The following CHL1 variants were observed in gnomAD, a reference collection of about 807,000 sequenced individuals.
CHL1 encodes cell adhesion molecule L1 like.
Under a neutral mutation model 141.9 loss-of-function variants are expected in CHL1, and 96 were observed. That is an observed-to-expected ratio of 0.68 (90% CI 0.57 to 0.80). CHL1 has a LOEUF of 0.80. CHL1 is among the 30% of genes least tolerant of loss of function. CHL1 has a pLI of 0.00. For missense variants in CHL1, 1,820 were observed against 1,457.2 expected (o/e 1.25, Z -4.05); for synonymous variants, 613 against 502.2 (o/e 1.22, Z -2.95).
At chr3:386,994 A>G (rs1707786356) in intron 19 of CHL1, among the ~76,000 whole-genome samples, 1 of 152,226 alleles carries the variant, frequency 6.6e-6, no homozygotes, top group Non-Finnish European at 1.5e-5. Context: ...AACATGTTGT[A>G]CATAATAAGT....
At chr3:250,849 T>C (rs955623286) in intron 2 of CHL1, among the ~76,000 whole-genome samples, 1 of 152,126 alleles carries the variant, frequency 6.6e-6, no homozygotes, top group Non-Finnish European at 1.5e-5. Context: ...GTCTTTCTAG[T>C]TGTCTAATTA....
At chr3:301,244 C>G (rs1046786741) in intron 2 of CHL1, among the ~76,000 whole-genome samples, 17 of 152,100 alleles carry the variant, frequency 1.1e-4, no homozygotes, top group African/African-American at 4.1e-4. Context: ...TTTCTTCATG[C>G]ACAAATATGC....
intron 1 of CHL1, among the ~76,000 whole-genome samples, chr3:213,943 C>G (rs1463345551): frequency 6.6e-6 from 1 of 152,124 alleles, no homozygotes; most frequent in East Asian, 1.9e-4. Flanking sequence ...GAAAGGCTTC[C>G]TCACATATTA....
chr3:327,722 G>A (rs1165568021), intron 4 of CHL1, among the ~76,000 whole-genome samples: 1 of 151,774 alleles, frequency 6.6e-6, no homozygotes, highest in Admixed American at 6.6e-5. Flanking sequence ...ATTCAGTGTG[G>A]TCTCAAATAT....
At chr3:330,385 A>G (rs1271591405) in intron 5 of CHL1, among the ~76,000 whole-genome samples, 1 of 152,116 alleles carries the variant, frequency 6.6e-6, no homozygotes, top group Non-Finnish European at 1.5e-5. Flanking sequence ...AAAAACATAA[A>G]GGATGAAAAT....
At position 389,319 on chromosome 3, in the gene CHL1, C is replaced by A. The variant is rs752632019; in HGVS notation, c.2315C>A (p.Ala772Asp). The A allele has an allele frequency of 1.1e-5, 18 of 1,614,058 alleles. No individual in the cohort carries two copies. Among genetic ancestry groups the A allele is most frequent in the Non-Finnish European group, 1.5e-5 (18 of 1,179,950 alleles). Reference sequence around the variant, plus strand: ...AGAGTGACCTGGAAGCCACAGGGAGCCCCAGTGGAGTGGGAAGAAGAAACA... The same window carrying A: ...AGAGTGACCTGGAAGCCACAGGGAGACCCAGTGGAGTGGGAAGAAGAAACA... ...EYRVTWKPQG[A>D]PVEWEEETVT... The change falls in exon 20 of 28, where the codon GCC becomes GAC. Residue 772 changes from alanine (A) to aspartate (D), a missense_variant. Ala to Asp is a moderately radical substitution (Grantham distance 126, BLOSUM62 -2). Transcript: ENST00000256509.
At chr3:220,159 G>T (rs1171754998) in intron 1 of CHL1, among the ~76,000 whole-genome samples, 1 of 152,152 alleles carries the variant, frequency 6.6e-6, no homozygotes, top group African/African-American at 2.4e-5. Context: ...ACTGGGGAGG[G>T]TGGTTGACGA....
intron 15 of CHL1, among the ~76,000 whole-genome samples, chr3:371,440 T>C (rs1226015228): frequency 6.6e-6 from 1 of 152,206 alleles, no homozygotes; most frequent in African/African-American, 2.4e-5. Flanking sequence ...CTGCTTTGTT[T>C]TGCTTTCCAT....
chr3:371,612 G>A (rs1349759916), intron 15 of CHL1, among the ~76,000 whole-genome samples: 3 of 152,112 alleles, frequency 2.0e-5, no homozygotes, highest in Non-Finnish European at 4.4e-5. Flanking sequence ...TACATTTAAG[G>A]TTAGTATTGT....
Position 391,586 on chromosome 3 carries a change from T to TG in CHL1, c.2792-88dup, listed in dbSNP as rs1185427195. On this transcript the variant is annotated intron_variant, in intron 22 of 27. Transcript: ENST00000256509. ...AATATTTACTTCAGATGAGTTTGCT[T>TG]GTCAATTTCTATAAAATTTATAATA... is the stretch of plus-strand genomic sequence containing the variant. 2.7e-5 allele frequency: 23 copies of TG among 845,586 alleles called. No individual in the cohort carries two copies. The African/African-American group carries it at 3.7e-4, about 14-fold the overall frequency. 52.4% of individuals were successfully genotyped at this position (845,586 alleles called of 1,614,324 possible). A position where few individuals can be genotyped will look rare whatever the true frequency, so the allele number is the denominator to read the frequency against.
chr3:261,929 C>G (rs201120575), intron 2 of CHL1, among the ~76,000 whole-genome samples: 1 of 111,382 alleles, frequency 9.0e-6, no homozygotes, highest in Admixed American at 9.4e-5. Context: ...TATTTAAGCC[C>G]AGATCTACAC....
At chr3:340,242 G>A (rs1702250084) in intron 5 of CHL1, among the ~76,000 whole-genome samples, 1 of 152,058 alleles carries the variant, frequency 6.6e-6, no homozygotes, top group South Asian at 2.1e-4. Context: ...TAATTTCAAT[G>A]TGGCTGGCTC....
At chr3:405,188 A>C (rs1559367715) in intron 27 of CHL1, among the ~76,000 whole-genome samples, 1 of 152,212 alleles carries the variant, frequency 6.6e-6, no homozygotes, top group Non-Finnish European at 1.5e-5. Flanking sequence ...CACTGTGGAC[A>C]TCAACAGGTT....
chr3:341,930 A>G lies in CHL1; in HGVS notation c.527A>G (p.Gln176Arg). Residue 176 changes from glutamine (Q) to arginine (R), a missense_variant, in exon 7 of 28, where the codon CAA (glutamine) becomes CGA (arginine). Coordinates refer to ENST00000256509, the MANE Select transcript of CHL1 (RefSeq NM_006614.4). ...TTTTCAGAATTAGAACACATCGAAC[A>G]AGATGAAAGAGTATACATGAGCCAA... ...WMNIELEHIE[Q>R]DERVYMSQKG... 6.2e-7 allele frequency: 1 copy of G among 1,606,646 alleles called. No homozygotes were observed. The highest frequency in any genetic ancestry group is 2.2e-5 in the East Asian group (1 of 44,676).
intron 1 of CHL1, among the ~76,000 whole-genome samples, chr3:235,525 T>C (rs1691880269): frequency 6.6e-6 from 1 of 152,202 alleles, no homozygotes; most frequent in South Asian, 2.1e-4. Flanking sequence ...TGGTATTAAC[T>C]TGCCCACAAT....
At chr3:227,022 G>A (rs1475276390) in intron 1 of CHL1, among the ~76,000 whole-genome samples, 1 of 152,136 alleles carries the variant, frequency 6.6e-6, no homozygotes, top group African/African-American at 2.4e-5. Flanking sequence ...ATTTCACCAG[G>A]AGTCTTCATA....
chr3:379,015 A>T (rs1706695594), intron 16 of CHL1, among the ~76,000 whole-genome samples: 1 of 152,324 alleles, frequency 6.6e-6, no homozygotes, highest in South Asian at 2.1e-4. Flanking sequence ...GTTTGCAGAC[A>T]TTCCTTAAAA....
At chr3:207,742 C>G (rs187082439) in intron 1 of CHL1, among the ~76,000 whole-genome samples, 1 of 152,282 alleles carries the variant, frequency 6.6e-6, no homozygotes, top group Admixed American at 6.5e-5. Flanking sequence ...TTGACCTTGA[C>G]CCCATTTTCT....
Position 391,926 on chromosome 3 carries a change from G to A in CHL1, c.2914+129G>A, listed in dbSNP as rs1708260862. The A allele has an allele frequency of 7.1e-6, 5 of 701,836 alleles. No homozygotes were observed. In the South Asian group the frequency reaches 7.5e-5, roughly 11 times the overall value. 43.5% of individuals were successfully genotyped at this position (701,836 alleles called of 1,614,324 possible). A position where few individuals can be genotyped will look rare whatever the true frequency, so the allele number is the denominator to read the frequency against. On this transcript the variant is annotated intron_variant, in intron 23 of 27. Transcript: ENST00000256509. ...TTGTAAGCTGCCGTTCTTCCTTGTA[G>A]CCCAGGGGTCTGTAAACTGGCTTGC...
Sources: allele counts gnomAD v4.1 joint callset (sites outside exome capture counted in the v4.1 genomes callset), GRCh38; gene constraint gnomAD v4.1.1; transcripts MANE v1.5; gene names NCBI Gene and HGNC (gene_info 2026-07-23, HGNC 2026-07-21).